TET1: variants seen among roughly 807,000 people sequenced by gnomAD.
TET1 encodes methylcytosine dioxygenase TET1.
In TET1, 13 loss-of-function variants were observed where a neutral mutation model predicts 148.7. That is an observed-to-expected ratio of 0.09 (90% CI 0.06 to 0.14). TET1 has a LOEUF of 0.14. Among genes scored for constraint, TET1 ranks in the 10% least tolerant of loss-of-function variants. The probability of loss-of-function intolerance (pLI) is 1.00; values close to 1 mark genes in which losing one functional copy is unlikely to be tolerated. For missense variants in TET1, 2,182 were observed against 2,553.8 expected (o/e 0.85, Z 3.14); for synonymous variants, 907 against 937.2 (o/e 0.97, Z 0.59).
intron 2 of TET1, among the ~76,000 whole-genome samples, chr10:68,576,187 C>A (rs1430013862): frequency 6.6e-6 from 1 of 151,906 alleles, no homozygotes; most frequent in Non-Finnish European, 1.5e-5. Flanking sequence ...CCCATCTCTA[C>A]TAACAATACA....
chr10:68,643,569 C>G (rs981661568), intron 3 of TET1, among the ~76,000 whole-genome samples: 4 of 152,046 alleles, frequency 2.6e-5, no homozygotes, highest in Non-Finnish European at 4.4e-5. Context: ...ACCTGTAATG[C>G]CAGCACTTTG....
chr10:68,580,087 C>T (rs1312036231), intron 2 of TET1, among the ~76,000 whole-genome samples: 1 of 151,674 alleles, frequency 6.6e-6, no homozygotes, highest in African/African-American at 2.4e-5. Context: ...CACCACCACG[C>T]CCAGCTAATT....
intron 2 of TET1, among the ~76,000 whole-genome samples, chr10:68,596,994 T>C (rs1021935845): frequency 8.0e-5 from 12 of 150,764 alleles, no homozygotes; most frequent in Non-Finnish European, 1.5e-4. Context: ...GATTTCATTT[T>C]ATTTTATTTT....
intron 1 of TET1, among the ~76,000 whole-genome samples, chr10:68,565,869 G>A (rs1165586438): frequency 6.6e-6 from 1 of 152,066 alleles, no homozygotes; most frequent in Non-Finnish European, 1.5e-5. Flanking sequence ...GCACCCAGTG[G>A]TTTTCTCCCC....
chr10:68,627,942 AAAG>A (rs971922238), intron 3 of TET1, among the ~76,000 whole-genome samples: 6 of 151,992 alleles, frequency 3.9e-5, no homozygotes, highest in African/African-American at 1.4e-4. Flanking sequence ...TCTAAAAAAA[AAAG>A]AAGAAAGAAA....
At chr10:68,652,730 C>T in intron 6 of TET1, 136 bp downstream of exon 6, 1 of 597,472 alleles carries the variant, frequency 1.7e-6, no homozygotes, top group Non-Finnish European at 2.7e-6. Context: ...GCTTTGTCGC[C>T]CCGGCTGGAT....
In TET1 at chr10:68,691,357, A is replaced by G. The variant is rs1472426406; in HGVS notation, c.5954A>G (p.Glu1985Gly). Residue 1985 changes from glutamate (E) to glycine (G), a missense_variant, in exon 12 of 12, where the codon GAG becomes GGG. Glu to Gly is a moderately conservative substitution (Grantham distance 98). Around this residue, in one of 11 missense-constraint regions of TET1, gnomAD observed 380 missense variants for 387.9 expected, o/e 0.98. Transcript: ENST00000373644. This position sits in a 1 kb window ranked among gnomAD's most constrained non-coding sequence, Gnocchi z 4.4. ...GATGACCCCCTGTCACCTGCTGAGGAGAAATTGCCCCACATTGATGAGTAT... is the reference window on the plus strand; with the variant it reads ...GATGACCCCCTGTCACCTGCTGAGGGGAAATTGCCCCACATTGATGAGTAT... ...LSDDPLSPAE[E>G]KLPHIDEYWS... The G allele has an allele frequency of 6.2e-7, 1 of 1,614,186 alleles. No homozygotes were observed. The highest frequency in any genetic ancestry group is 1.1e-5 in the South Asian group (1 of 91,086).
In TET1 at chr10:68,686,471, A is replaced by G; in HGVS notation, c.5168A>G (p.Glu1723Gly). 1.2e-6 allele frequency: 2 copies of G among 1,614,134 alleles called. No individual in the cohort carries two copies. Among genetic ancestry groups the G allele is most frequent in the African/African-American group, 2.7e-5 (2 of 75,018 alleles). ...LSDTDEFGSKEGMEAKIKSGA... is the reference protein window; with the variant it reads ...LSDTDEFGSKGGMEAKIKSGA... ...GACACAGATGAGTTTGGCTCCAAGG[A>G]AGGAATGGAAGCCAAGATCAAATCT... The change falls in exon 11 of 12, where the codon GAA (glutamate) becomes GGA (glycine). Residue 1723 changes from glutamate (E) to glycine (G), a missense_variant. Physicochemically the swap from Glu to Gly is moderately conservative, Grantham distance 98 (BLOSUM62 -2). Around this residue, in one of 11 missense-constraint regions of TET1, gnomAD observed 380 missense variants for 387.9 expected, o/e 0.98. Coordinates refer to ENST00000373644, the MANE Select transcript of TET1 (RefSeq NM_030625.3).
chr10:68,606,134 G>A (rs7897823), intron 3 of TET1, among the ~76,000 whole-genome samples: 30,862 of 151,502 alleles, frequency 0.2, 3,276 homozygotes, highest in South Asian at 0.26. Context: ...TGAGAGGCCA[G>A]GATGAGTGGA....
At chr10:68,652,669 A>G (rs985424671) in intron 6 of TET1, 75 bp downstream of exon 6, 44 of 973,394 alleles carry the variant, frequency 4.5e-5, no homozygotes, top group Non-Finnish European at 1.4e-5. Context: ...TACAATAGCC[A>G]GAGTGATCTT....
In TET1 at chr10:68,572,473, C is replaced by T. The variant is rs143906683; in HGVS notation, c.135C>T (p.Ser45=). The T allele has an allele frequency of 6.2e-7, 1 of 1,613,888 alleles. No individual in the cohort carries two copies. Among genetic ancestry groups the T allele is most frequent in the African/African-American group, 1.3e-5 (1 of 74,888 alleles). The change falls in exon 2 of 12, where the codon AGC becomes AGT. Residue 45 remains serine, a synonymous_variant. Transcript: ENST00000373644. ...ATGTGGCATCAGTCAAGACTTTAAGCCCTGGAAAATTAAAGCAATTAATTC... is the reference window on the plus strand; with the variant it reads ...ATGTGGCATCAGTCAAGACTTTAAGTCCTGGAAAATTAAAGCAATTAATTC... The part of the protein sequence containing the change: ...NKNVASVKTL[S]PGKLKQLIQE...
In TET1 at chr10:68,681,105, A is replaced by G. The variant is rs147556868; in HGVS notation, c.4825-294A>G. Among the ~76,000 whole-genome samples the G allele has an allele frequency of 5.1e-4, 77 of 152,382 alleles. 1 individual carries two copies. Among genetic ancestry groups the G allele is most frequent in the African/African-American group, 1.8e-3 (76 of 41,596 alleles). On this transcript the variant is annotated intron_variant, in intron 8 of 11. Coordinates refer to ENST00000373644, the MANE Select transcript of TET1 (RefSeq NM_030625.3). Reference sequence around the variant, plus strand: ...AAGTGTGCAATACTATTGAATAAATATAAAACATAGCTCTCATTTTTCACA... The same window carrying G: ...AAGTGTGCAATACTATTGAATAAATGTAAAACATAGCTCTCATTTTTCACA...
At position 68,644,857 on chromosome 10, in the gene TET1, T is replaced by C; in HGVS notation, c.2128T>C (p.Trp710Arg). The change falls in exon 4 of 12, where the codon TGG becomes CGG. Residue 710 changes from tryptophan to arginine, a missense_variant. Trp to Arg is a moderately radical substitution (Grantham distance 101). This residue lies in a region of TET1 where 226 missense variants were observed against 307.4 expected (regional missense o/e 0.74). Coordinates refer to ENST00000373644, the MANE Select transcript of TET1 (RefSeq NM_030625.3). ...DSMTGIEVEK[W>R]TQNKKSQLTD... ...CATGACAGGCATCGAGGTGGAGAAG[T>C]GGACACAAAACAAGAAATCACAGTT... is the stretch of plus-strand genomic sequence containing the variant. 8.1e-6 allele frequency: 13 copies of C among 1,613,768 alleles called. No homozygotes were observed. The highest frequency in any genetic ancestry group is 1.1e-5 in the Non-Finnish European group (13 of 1,179,876).
At chr10:68,676,897 G>C (rs2055369907) in intron 8 of TET1, among the ~76,000 whole-genome samples, 1 of 152,152 alleles carries the variant, frequency 6.6e-6, no homozygotes, top group South Asian at 2.1e-4. Context: ...AAACAAGTGG[G>C]ATCAAGATCC....
intron 3 of TET1, among the ~76,000 whole-genome samples, chr10:68,605,529 T>G (rs1036973546): frequency 6.6e-6 from 1 of 152,218 alleles, no homozygotes; most frequent in Non-Finnish European, 1.5e-5. Context: ...TACTTATTTA[T>G]TTGAGACAGA....
chr10:68,580,313 A>ATTTTTTTTTTTTTTT lies in TET1; in HGVS notation c.1914+6072_1914+6086dup, dbSNP rs1163318028. Among the ~76,000 whole-genome samples the ATTTTTTTTTTTTTTT allele has an allele frequency of 1.3e-4, 8 of 60,402 alleles. 1 individual carries two copies. Among genetic ancestry groups the ATTTTTTTTTTTTTTT allele is most frequent in the Admixed American group, 2.6e-4 (1 of 3,804 alleles). 39.6% of individuals were successfully genotyped at this position (60,402 alleles called of 152,430 possible). A position where few individuals can be genotyped will look rare whatever the true frequency, so the allele number is the denominator to read the frequency against. On this transcript the variant is annotated intron_variant, in intron 2 of 11. Transcript: ENST00000373644. ...AACCAATGCATTTTTATTATATTCA[A>ATTTTTTTTTTTTTTT]TTTTTTTTTTTTTTTTTTTTTTTTT...
intron 7 of TET1, among the ~76,000 whole-genome samples, chr10:68,669,489 TTTTGTA>T (rs937601402): frequency 2.2e-5 from 3 of 138,170 alleles, no homozygotes; most frequent in African/African-American, 8.2e-5. Context: ...TTTTTTTTTT[TTTTGTA>T]TTTTTTTGTA....
At chr10:68,597,418 CA>C (rs1409278083) in intron 2 of TET1, among the ~76,000 whole-genome samples, 1 of 152,066 alleles carries the variant, frequency 6.6e-6, no homozygotes, top group Non-Finnish European at 1.5e-5. Context: ...AAAAAATGTT[CA>C]TTTTTTAAAG....
At chr10:68,653,933 C>T (rs1267553696) in intron 6 of TET1, among the ~76,000 whole-genome samples, 1 of 151,516 alleles carries the variant, frequency 6.6e-6, no homozygotes, top group African/African-American at 2.4e-5. Flanking sequence ...ATGGTGAAAC[C>T]CCGTCTCTAC....
Sources: gnomAD v4.1 joint callset for allele counts (sites outside exome capture counted in the v4.1 genomes callset) on GRCh38, gnomAD v4.1.1 for gene constraint, gnomAD v4.1.1 regional missense constraint, Gnocchi (gnomAD v3.1) non-coding constraint, MANE v1.5 for transcripts, NCBI Gene and HGNC (gene_info 2026-07-23, HGNC 2026-07-21) for gene names.